BCAS3: variants seen among roughly 807,000 people sequenced by gnomAD.
BCAS3 encodes BCAS3 microtubule associated cell migration factor, also known as BCAS4/BCAS3 fusion.
BCAS3 carries 53 observed loss-of-function variants against 116.1 expected under a neutral mutation model. The observed-to-expected ratio is 0.46, with a 90% confidence interval of 0.37 to 0.57. The LOEUF (loss-of-function observed/expected upper bound fraction) is 0.57, where lower values mean the gene tolerates loss of function less well. BCAS3 is among the 20% of genes least tolerant of loss of function. BCAS3 has a pLI of 0.00. For synonymous variants in BCAS3, 391 were observed against 408.2 expected (o/e 0.96, Z 0.51); for missense variants, 917 against 1,165.4 (o/e 0.79, Z 3.10).
At position 61,281,677 on chromosome 17, in the gene BCAS3, A is replaced by G. The variant is rs922654744; in HGVS notation, c.2426-86650A>G. ...TTATACTGGGTTTTTTATCTTATTC[A>G]TATTGATTTGGAGGAGCTTTCTATA... is the stretch of plus-strand genomic sequence containing the variant. On this transcript the variant is annotated intron_variant, in intron 22 of 23. Coordinates refer to ENST00000407086, the MANE Select transcript of BCAS3 (RefSeq NM_017679.5). This position sits in a 1 kb window ranked among gnomAD's most constrained non-coding sequence, Gnocchi z 4.2. Among the ~76,000 whole-genome samples, 1 of 152,074 alleles carries G rather than the reference A, an allele frequency of 6.6e-6. No individual in the cohort carries two copies. The highest frequency in any genetic ancestry group is 2.4e-5 in the African/African-American group (1 of 41,430).
In BCAS3 at chr17:61,097,380, A is replaced by G. The variant is rs1290956064; in HGVS notation, c.2425+12816A>G. Among the ~76,000 whole-genome samples, 1 of 152,028 alleles carries G rather than the reference A, an allele frequency of 6.6e-6. No individual in the cohort carries two copies. Among genetic ancestry groups the G allele is most frequent in the African/African-American group, 2.4e-5 (1 of 41,398 alleles). Reference sequence around the variant, plus strand: ...TTTTTAATAGAGACGGGATTTCACCATGTTAGCCAGGATGGTCTCGATCTC... The same window carrying G: ...TTTTTAATAGAGACGGGATTTCACCGTGTTAGCCAGGATGGTCTCGATCTC... On this transcript the variant is annotated intron_variant, in intron 22 of 23. Coordinates refer to ENST00000407086, the MANE Select transcript of BCAS3 (RefSeq NM_017679.5). The surrounding 1 kb of genome is among the most constrained non-coding windows in gnomAD (Gnocchi z 4.0).
At chr17:60,770,400 CTTTTTTTTTTTTTTTTTTTTTTTT>C (rs35691381) in intron 6 of BCAS3, among the ~76,000 whole-genome samples, 6 of 76,876 alleles carry the variant, frequency 7.8e-5, no homozygotes, top group Non-Finnish European at 1.2e-4. Context: ...AGTGTTCCCT[CTTTTTTTTTTTTTTTTTTTTTTTT>C]TTTTTTTTTT....
intron 22 of BCAS3, among the ~76,000 whole-genome samples, chr17:61,143,167 T>C (rs764161541): frequency 6.6e-6 from 1 of 152,240 alleles, no homozygotes; most frequent in Non-Finnish European, 1.5e-5. Context: ...CTCAACTTGC[T>C]TGCATTGTTC....
At chr17:60,955,693 AT>A (rs996309935) in intron 14 of BCAS3, among the ~76,000 whole-genome samples, 9 of 152,154 alleles carry the variant, frequency 5.9e-5, no homozygotes, top group African/African-American at 2.2e-4. Flanking sequence ...TGGAGACTGA[AT>A]TTTTATATCT....
intron 19 of BCAS3, among the ~76,000 whole-genome samples, chr17:61,045,636 C>T (rs1043247423): frequency 2.0e-4 from 29 of 148,410 alleles, no homozygotes; most frequent in African/African-American, 5.9e-4. Flanking sequence ...GCCAACATGA[C>T]GAAACCCCAT....
chr17:61,242,798 C>G (rs2047628103), intron 22 of BCAS3, among the ~76,000 whole-genome samples: 1 of 151,698 alleles, frequency 6.6e-6, no homozygotes, highest in Non-Finnish European at 1.5e-5. Flanking sequence ...TTGCCTCCTT[C>G]ACTGCCTTCA....
At position 61,325,980 on chromosome 17, in the gene BCAS3, A is replaced by G. The variant is rs567763830; in HGVS notation, c.2426-42347A>G. ...AGAGTGAAAAATCGTGTTGTCATAC[A>G]TTACTAAGCACCCACCATTCATTTG... On this transcript the variant is annotated intron_variant, in intron 22 of 23. Coordinates refer to ENST00000407086, the MANE Select transcript of BCAS3 (RefSeq NM_017679.5). The surrounding 1 kb of genome is among the most constrained non-coding windows in gnomAD (Gnocchi z 6.4). 1.3e-5 allele frequency among the ~76,000 whole-genome samples: 2 copies of G among 152,336 alleles called. No individual in the cohort carries two copies. Among genetic ancestry groups the G allele is most frequent in the African/African-American group, 2.4e-5 (1 of 41,582 alleles).
chr17:60,975,388 G>A (rs1023133123), intron 14 of BCAS3, among the ~76,000 whole-genome samples: 1 of 152,224 alleles, frequency 6.6e-6, no homozygotes, highest in Non-Finnish European at 1.5e-5. Flanking sequence ...CTCAGCAGCT[G>A]CTTATCTTCC....
chr17:61,323,891 C>T lies in BCAS3; in HGVS notation c.2426-44436C>T, dbSNP rs2055515209. Among the ~76,000 whole-genome samples the T allele has an allele frequency of 2.0e-5, 3 of 152,262 alleles. No homozygotes were observed. The highest frequency in any genetic ancestry group is 2.9e-5 in the Non-Finnish European group (2 of 68,050). On this transcript the variant is annotated intron_variant, in intron 22 of 23. Transcript: ENST00000407086. This position sits in a 1 kb window ranked among gnomAD's most constrained non-coding sequence, Gnocchi z 4.6. ...CCTTGGCTCCGTGTTTCTCGTCTTT[C>T]CCAGACGCTTCTTCCCTTCTTGTTT...
At chr17:60,914,405 G>A (rs1373910742) in intron 12 of BCAS3, among the ~76,000 whole-genome samples, 1 of 152,088 alleles carries the variant, frequency 6.6e-6, no homozygotes, top group Non-Finnish European at 1.5e-5. Flanking sequence ...GATGGCTTCT[G>A]TCTTTATTAT....
intron 22 of BCAS3, among the ~76,000 whole-genome samples, chr17:61,342,590 C>T (rs2143250723): frequency 6.6e-6 from 1 of 152,318 alleles, no homozygotes; most frequent in Admixed American, 6.5e-5. Flanking sequence ...GTAGAGAGCC[C>T]AAGCCCAGGC....
chr17:61,143,423 G>A (rs1000769269), intron 22 of BCAS3, among the ~76,000 whole-genome samples: 3 of 152,194 alleles, frequency 2.0e-5, no homozygotes, highest in African/African-American at 7.2e-5. Flanking sequence ...TAGAATAAAG[G>A]TAGATATTCT....
In BCAS3 at chr17:61,253,590, G is replaced by A. The variant is rs540919770; in HGVS notation, c.2426-114737G>A. On this transcript the variant is annotated intron_variant, in intron 22 of 23. Transcript: ENST00000407086. ...GGCCTACGGCCTAGGCATGGCGTAT[G>A]AGCTCTATGGTAGTAGAAGGTCAGA... 3.0e-4 allele frequency among the ~76,000 whole-genome samples: 45 copies of A among 151,860 alleles called. 1 individual carries two copies. The highest frequency in any genetic ancestry group is 2.9e-3 in the South Asian group (14 of 4,808).
In BCAS3 at chr17:61,297,540, A is replaced by G. The variant is rs144106568; in HGVS notation, c.2426-70787A>G. Among the ~76,000 whole-genome samples the G allele has an allele frequency of 3.6e-3, 550 of 152,288 alleles. 2 individuals carry two copies. Among genetic ancestry groups the G allele is most frequent in the African/African-American group, 0.012 (517 of 41,556 alleles). The stretch of plus-strand genomic sequence containing the variant: ...CAAAATTTGACCAGATGTTTAAGCA[A>G]ATTAACAAATGATTAAAGCAGCAGT... On this transcript the variant is annotated intron_variant, in intron 22 of 23. Coordinates refer to ENST00000407086, the MANE Select transcript of BCAS3 (RefSeq NM_017679.5).
At position 61,285,231 on chromosome 17, in the gene BCAS3, TTGTGTGTGTG is replaced by T. The variant is rs371178241; in HGVS notation, c.2426-83078_2426-83069del. Among the ~76,000 whole-genome samples the T allele has an allele frequency of 5.7e-5, 8 of 140,088 alleles. No individual in the cohort carries two copies. The highest frequency in any genetic ancestry group is 2.0e-4 in the East Asian group (1 of 5,032). The allele number at this position is 140,088 out of a possible 152,430, so 91.9% of individuals were successfully genotyped here. On this transcript the variant is annotated intron_variant, in intron 22 of 23. Coordinates refer to ENST00000407086, the MANE Select transcript of BCAS3 (RefSeq NM_017679.5). The surrounding 1 kb of genome is among the most constrained non-coding windows in gnomAD (Gnocchi z 5.4). Reference sequence around the variant, plus strand: ...GTTTTGCTTTTCCCCTCCTCCTAGGTTGTGTGTGTGTGTGTGTGTGTGTGTGTTTCTTGCT... The same window carrying T: ...GTTTTGCTTTTCCCCTCCTCCTAGGTTGTGTGTGTGTGTGTGTTTCTTGCT...
rs1007565150 is a variant in BCAS3, at chr17:61,056,272, A to C, written c.2029+15380A>C. Among the ~76,000 whole-genome samples the C allele has an allele frequency of 1.3e-5, 2 of 152,206 alleles. No homozygotes were observed. The highest frequency in any genetic ancestry group is 4.8e-5 in the African/African-American group (2 of 41,450). On this transcript the variant is annotated intron_variant, in intron 19 of 23. Transcript: ENST00000407086. This position sits in a 1 kb window ranked among gnomAD's most constrained non-coding sequence, Gnocchi z 4.9. Reference sequence around the variant, plus strand: ...CCAGAGCTTTACATGGTGTCAACTGAAGGACAGCCTTCCGCGAGTTGGAGT... The same window carrying C: ...CCAGAGCTTTACATGGTGTCAACTGCAGGACAGCCTTCCGCGAGTTGGAGT...
chr17:60,938,552 T>C (rs2060057421), intron 13 of BCAS3, among the ~76,000 whole-genome samples: 1 of 151,542 alleles, frequency 6.6e-6, no homozygotes, highest in South Asian at 2.1e-4. Flanking sequence ...TATGAAACTT[T>C]AAAAAGAAAA....
chr17:61,072,141 ATT>A (rs1249217296), intron 19 of BCAS3, among the ~76,000 whole-genome samples: 1 of 152,110 alleles, frequency 6.6e-6, no homozygotes, highest in African/African-American at 2.4e-5. Context: ...TTATGGTACT[ATT>A]TCTAGATGTA....
At chr17:61,170,662 A>C (rs1420582372) in intron 22 of BCAS3, among the ~76,000 whole-genome samples, 2 of 152,196 alleles carry the variant, frequency 1.3e-5, no homozygotes, top group Non-Finnish European at 2.9e-5. Context: ...AAAGATGGGA[A>C]ATAAATGAAG....
Sources: allele counts gnomAD v4.1 joint callset (sites outside exome capture counted in the v4.1 genomes callset), GRCh38; gene constraint gnomAD v4.1.1; non-coding constraint Gnocchi (gnomAD v3.1); transcripts MANE v1.5; gene names NCBI Gene and HGNC (gene_info 2026-07-23, HGNC 2026-07-21).